Variants in ANKRD6 observed in about 807,000 individuals in gnomAD.
ANKRD6 encodes the protein ankyrin repeat domain-containing protein 6.
ANKRD6 carries 56 observed loss-of-function variants against 82.3 expected under a neutral mutation model. The observed-to-expected ratio is 0.68, with a 90% CI of 0.55 to 0.85. The LOEUF is 0.85. ANKRD6 is among the 40% of genes least tolerant of loss of function. ANKRD6 has a pLI of 0.00. For synonymous variants in ANKRD6, 347 were observed against 352.1 expected (o/e 0.99, Z 0.16); for missense variants, 852 against 907.6 (o/e 0.94, Z 0.79).
intron 1 of ANKRD6, among the ~76,000 whole-genome samples, chr6:89,467,436 T>G (rs1200607122): frequency 6.6e-6 from 1 of 152,212 alleles, no homozygotes. Flanking sequence ...GATTGGGTGT[T>G]ATGAATCCCA....
At chr6:89,530,892 G>A (rs1263702644) in intron 1 of ANKRD6, among the ~76,000 whole-genome samples, 6 of 152,220 alleles carry the variant, frequency 3.9e-5, no homozygotes, top group African/African-American at 2.4e-5. Flanking sequence ...CCACTTGAAA[G>A]TCATGGATAC....
chr6:89,559,379 C>T (rs1455508472), intron 1 of ANKRD6, among the ~76,000 whole-genome samples: 1 of 152,158 alleles, frequency 6.6e-6, no homozygotes, highest in Non-Finnish European at 1.5e-5. Flanking sequence ...GAAAACTTTC[C>T]TGACCTCCTT....
intron 1 of ANKRD6, among the ~76,000 whole-genome samples, chr6:89,555,966 T>G (rs1184438252): frequency 6.6e-6 from 1 of 152,150 alleles, no homozygotes; most frequent in Non-Finnish European, 1.5e-5. Context: ...GGCTTTTACA[T>G]GCAAATTCAG....
chr6:89,489,036 G>C (rs1018318021), intron 1 of ANKRD6, among the ~76,000 whole-genome samples: 3 of 152,158 alleles, frequency 2.0e-5, no homozygotes, highest in Non-Finnish European at 4.4e-5. Flanking sequence ...TCTTAGGACT[G>C]TGGGTTGACT....
At chr6:89,575,600 TA>T (rs901289177) in intron 2 of ANKRD6, among the ~76,000 whole-genome samples, 5 of 151,472 alleles carry the variant, frequency 3.3e-5, no homozygotes, top group East Asian at 1.9e-4. Context: ...GTACTTTACT[TA>T]AAAAAAAATA....
At chr6:89,451,585 A>G (rs189123085) in intron 1 of ANKRD6, among the ~76,000 whole-genome samples, 1 of 152,340 alleles carries the variant, frequency 6.6e-6, no homozygotes, top group East Asian at 1.9e-4. Context: ...CAGCTTTAAA[A>G]ACTGATTGTT....
intron 4 of ANKRD6, among the ~76,000 whole-genome samples, chr6:89,605,558 G>A (rs983008230): frequency 6.6e-6 from 1 of 152,162 alleles, no homozygotes; most frequent in Non-Finnish European, 1.5e-5. Flanking sequence ...TATGAAGATG[G>A]CCTCTTCCTT....
At chr6:89,459,343 G>A (rs1271992989) in intron 1 of ANKRD6, among the ~76,000 whole-genome samples, 1 of 152,166 alleles carries the variant, frequency 6.6e-6, no homozygotes, top group African/African-American at 2.4e-5. Context: ...CTCCCAAAGT[G>A]TTGGGATTAC....
intron 1 of ANKRD6, among the ~76,000 whole-genome samples, chr6:89,476,991 C>T (rs1776113235): frequency 6.6e-6 from 1 of 152,234 alleles, no homozygotes; most frequent in African/African-American, 2.4e-5. Context: ...GTCGCCCAGG[C>T]TGGAGTGCAG....
At chr6:89,457,061 G>A (rs1233744623) in intron 1 of ANKRD6, among the ~76,000 whole-genome samples, 7 of 152,200 alleles carry the variant, frequency 4.6e-5, no homozygotes, top group African/African-American at 1.7e-4. Flanking sequence ...CTAAGATGGT[G>A]CATTCACATG....
chr6:89,539,365 ATATCCCCAAG>A (rs1244749302), intron 1 of ANKRD6, among the ~76,000 whole-genome samples: 3 of 152,166 alleles, frequency 2.0e-5, no homozygotes, highest in African/African-American at 7.2e-5. Flanking sequence ...GTTAATATAA[ATATCCCCAAG>A]TAGTGTTGTC....
intron 2 of ANKRD6, among the ~76,000 whole-genome samples, chr6:89,590,270 G>C (rs1794615231): frequency 6.6e-6 from 1 of 152,204 alleles, no homozygotes; most frequent in Admixed American, 6.5e-5. Context: ...GAGCAGGCCT[G>C]AAGTGCGGGT....
intron 1 of ANKRD6, among the ~76,000 whole-genome samples, chr6:89,515,736 A>G (rs569962995): frequency 8.5e-5 from 13 of 152,238 alleles, no homozygotes; most frequent in Admixed American, 5.2e-4. Flanking sequence ...CTTCTCCTGG[A>G]TTATCTGGAT....
At chr6:89,545,467 G>T (rs1389687954) in intron 1 of ANKRD6, among the ~76,000 whole-genome samples, 1 of 152,198 alleles carries the variant, frequency 6.6e-6, no homozygotes, top group Non-Finnish European at 1.5e-5. Context: ...GGTCATAGCA[G>T]CAGTAGCTGA....
chr6:89,497,069 T>C (rs1449603048), intron 1 of ANKRD6, among the ~76,000 whole-genome samples: 1 of 152,210 alleles, frequency 6.6e-6, no homozygotes. Flanking sequence ...GCTTTCTCTC[T>C]GAACTTTCAA....
At position 89,528,095 on chromosome 6, in the gene ANKRD6, G is replaced by A. The variant is rs143680856; in HGVS notation, c.-143-38739G>A. Among the ~76,000 whole-genome samples the A allele has an allele frequency of 2.4e-3, 360 of 152,296 alleles. 2 individuals are homozygous for A. Among genetic ancestry groups the A allele is most frequent in the Admixed American group, 4.9e-3 (75 of 15,300 alleles). On this transcript the variant is annotated intron_variant, in intron 1 of 15. Coordinates refer to ENST00000339746, the MANE Select transcript of ANKRD6 (RefSeq NM_001242809.2). The stretch of plus-strand genomic sequence containing the variant: ...CAAAGTGCTGGGATTACAGGCATGA[G>A]CCCCATCGCACCCAGCCACAGTTTC...
At chr6:89,565,031 C>T (rs1016644106) in intron 1 of ANKRD6, among the ~76,000 whole-genome samples, 2 of 152,148 alleles carry the variant, frequency 1.3e-5, no homozygotes, top group African/African-American at 4.8e-5. Context: ...AAAGAGGCAG[C>T]GCACCTATGT....
In ANKRD6 at chr6:89,566,914, G is replaced by A; in HGVS notation, c.-63G>A. On this transcript the variant is annotated 5_prime_UTR_variant, in exon 2 of 16. Coordinates refer to ENST00000339746, the MANE Select transcript of ANKRD6 (RefSeq NM_001242809.2). ...CCTCTGGGTGCCAGGCCGGGCCAGT[G>A]ACTTCGTGTTGAGCTGAAGGAACTT... 1 of 1,545,140 alleles carries A rather than the reference G, an allele frequency of 6.5e-7. No individual in the cohort carries two copies. The highest frequency in any genetic ancestry group is 8.8e-7 in the Non-Finnish European group (1 of 1,142,692).
rs373576210 is a variant in ANKRD6, at chr6:89,549,475, A to G, written c.-143-17359A>G. Among the ~76,000 whole-genome samples the G allele has an allele frequency of 4.7e-4, 71 of 151,578 alleles. 1 individual carries two copies. Among genetic ancestry groups the G allele is most frequent in the African/African-American group, 1.6e-3 (65 of 41,300 alleles). On this transcript the variant is annotated intron_variant, in intron 1 of 15. Coordinates refer to ENST00000339746, the MANE Select transcript of ANKRD6 (RefSeq NM_001242809.2). Reference sequence around the variant, plus strand: ...GCCCTTGCAAGATGATAGCTTCTCAATCTTTGATGTCCCAGCCTCCAGAAC... The same window carrying G: ...GCCCTTGCAAGATGATAGCTTCTCAGTCTTTGATGTCCCAGCCTCCAGAAC...
Sources: allele counts gnomAD v4.1 joint callset (sites outside exome capture counted in the v4.1 genomes callset), GRCh38; gene constraint gnomAD v4.1.1; transcripts MANE v1.5; gene names NCBI Gene and HGNC (gene_info 2026-07-23, HGNC 2026-07-21).